Variants in CHPF2 observed in about 807,000 individuals in gnomAD.
CHPF2 encodes chondroitin polymerizing factor 2.
Under a neutral mutation model 63.0 loss-of-function variants are expected in CHPF2, and 58 were observed. The ratio of observed to expected loss-of-function variants is 0.92; its 90% CI spans 0.75 to 1.15. CHPF2 has a LOEUF of 1.15. Ranked by LOEUF, CHPF2 falls within the 50% of genes most tolerant of loss-of-function variation. The pLI, the probability that CHPF2 is intolerant of heterozygous loss-of-function variation, is 0.00. For synonymous variants in CHPF2, 442 were observed against 438.0 expected, an observed-to-expected ratio of 1.01 and a Z score of -0.11; for missense variants, 1,045 against 1,035.4, an observed-to-expected ratio of 1.01 and a Z score of -0.13.
chr7:151,237,922 T>C lies in CHPF2; in HGVS notation c.1560T>C (p.His520=), dbSNP rs1447352976. 2 of 1,612,912 alleles carry C rather than the reference T, an allele frequency of 1.2e-6. No homozygotes were observed. The highest frequency in any genetic ancestry group is 1.7e-5 in the Admixed American group (1 of 60,028). The change falls in exon 4 of 4, where the codon CAT becomes CAC. Residue 520 remains histidine, a synonymous_variant. Transcript: ENST00000035307. ...FAANVLEPRE[H]ALLTLLLVYG... Reference sequence around the variant, plus strand: ...CCAATGTCCTGGAGCCACGAGAACATGCATTGCTCACCCTGTTGCTGGTCT... The same window carrying C: ...CCAATGTCCTGGAGCCACGAGAACACGCATTGCTCACCCTGTTGCTGGTCT...
rs775122364 is a variant in CHPF2, at chr7:151,235,635, C to G, written c.828+23C>G. 26 of 1,581,740 alleles carry G rather than the reference C, an allele frequency of 1.6e-5. No individual in the cohort carries two copies. In the South Asian group the frequency reaches 2.9e-4, roughly 18 times the overall value. Reference sequence around the variant, plus strand: ...CAGGTGACAGCTCTTTCAAGTCAGTCCCAGTCCCTGATAAGCTAGTGGGGG... The same window carrying G: ...CAGGTGACAGCTCTTTCAAGTCAGTGCCAGTCCCTGATAAGCTAGTGGGGG... On this transcript the variant is annotated intron_variant, in intron 2 of 3. Coordinates refer to ENST00000035307, the MANE Select transcript of CHPF2 (RefSeq NM_019015.3).
rs377265622 is a variant in CHPF2, at chr7:151,237,670, C to T, written c.1308C>T (p.Phe436=). 5.3e-5 allele frequency: 86 copies of T among 1,613,068 alleles called. No individual in the cohort carries two copies. Among genetic ancestry groups the T allele is most frequent in the Non-Finnish European group, 6.5e-5 (77 of 1,179,940 alleles). ...GACTGCTCAACGGCTATCGGCGCTT[C>T]GACCCAGCACGGGGCATGGAGTACA... is the stretch of plus-strand genomic sequence containing the variant. ...KQRLLNGYRR[F]DPARGMEYTL... is the part of the protein sequence containing the mutation. The change falls in exon 4 of 4, where the codon TTC becomes TTT. Residue 436 remains phenylalanine, a synonymous_variant. Coordinates refer to ENST00000035307, the MANE Select transcript of CHPF2 (RefSeq NM_019015.3).
rs144261336 is a variant in CHPF2 at position 151,237,513 on chromosome 7, T to C, written c.1151T>C (p.Phe384Ser). 4.1e-4 allele frequency: 656 copies of C among 1,613,946 alleles called. 3 individuals are homozygous for C. In the African/African-American group the frequency reaches 7.8e-3, roughly 19 times the overall value. Residue 384 changes from phenylalanine (F) to serine (S), a missense_variant, in exon 4 of 4, where the codon TTC (phenylalanine) becomes TCC (serine). By Grantham distance (155) the Phe-to-Ser change is radical. Coordinates refer to ENST00000035307, the MANE Select transcript of CHPF2 (RefSeq NM_019015.3). The part of the protein sequence containing the change: ...GWDYFTEQHT[F>S]SCADGAPKCP... Reference sequence around the variant, plus strand: ...GACTACTTCACAGAGCAGCACACCTTCTCCTGTGCAGATGGGGCTCCCAAG... The same window carrying C: ...GACTACTTCACAGAGCAGCACACCTCCTCCTGTGCAGATGGGGCTCCCAAG...
chr7:151,234,006 A>G lies in CHPF2; in HGVS notation c.-6A>G, dbSNP rs779254993. Reference sequence around the variant, plus strand: ...CTGGGGCACCCACCTGGCAGGGCCTACCACCATGCGACTGAGCTCCCTGTT... The same window carrying G: ...CTGGGGCACCCACCTGGCAGGGCCTGCCACCATGCGACTGAGCTCCCTGTT... On this transcript the variant is annotated 5_prime_UTR_variant, in exon 1 of 4. Transcript: ENST00000035307. The G allele has an allele frequency of 6.6e-7, 1 of 1,511,696 alleles. No homozygotes were observed. The highest frequency in any genetic ancestry group is 8.8e-7 in the Non-Finnish European group (1 of 1,131,332). 93.6% of individuals were successfully genotyped at this position (1,511,696 alleles called of 1,614,324 possible).
chr7:151,234,561 G>A (rs546573354), intron 1 of CHPF2, among the ~76,000 whole-genome samples: 3 of 152,220 alleles, frequency 2.0e-5, no homozygotes, highest in African/African-American at 7.2e-5. Flanking sequence ...GTGCGATATT[G>A]GCTCACTGCA....
Position 151,237,839 on chromosome 7 carries a change from CT to C in CHPF2, c.1478del (p.Leu493ArgfsTer53). The C allele has an allele frequency of 6.2e-7, 1 of 1,612,660 alleles. No individual in the cohort carries two copies. On this transcript the variant is annotated frameshift_variant, in exon 4 of 4. Coordinates refer to ENST00000035307, the MANE Select transcript of CHPF2 (RefSeq NM_019015.3). LOFTEE classifies it high-confidence loss of function. ...VTEATRVQLV[L>X]PLLVAEAAAA... ...TGAGGCCACCCGAGTGCAGCTGGTG[CT>C]GCCACTCCTGGTGGCTGAAGCTGCT...
In CHPF2 at chr7:151,235,423, C is replaced by G. The variant is rs1802609140; in HGVS notation, c.639C>G (p.Phe213Leu). The G allele has an allele frequency of 6.2e-7, 1 of 1,612,718 alleles. No homozygotes were observed. Among genetic ancestry groups the G allele is most frequent in the Non-Finnish European group, 8.5e-7 (1 of 1,180,050 alleles). Residue 213 changes from phenylalanine to leucine, a missense_variant, in exon 2 of 4, where the codon TTC becomes TTG. Transcript: ENST00000035307. ...TGTACTTAGGCCGGGCAGAGGAGTT[C>G]ATTGGCGCAGGCGAGCAGGCCCGGT... ...QDLYLGRAEE[F>L]IGAGEQARYC...
chr7:151,232,882 C>G lies in CHPF2; in HGVS notation c.-1130C>G, dbSNP rs900620412. 2.7e-5 allele frequency: 37 copies of G among 1,394,490 alleles called. 1 individual carries two copies. In the Middle Eastern group the frequency reaches 1.3e-3, roughly 48 times the overall value. The allele number at this position is 1,394,490 out of a possible 1,614,324, so 86.4% of individuals were successfully genotyped here. ...CGCAGAACGACCCGAGCTGGTCTCC[C>G]GAGCCCCCTTCTCAGCAGCCCGGTG... On this transcript the variant is annotated 5_prime_UTR_variant, in exon 1 of 4. Coordinates refer to ENST00000035307, the MANE Select transcript of CHPF2 (RefSeq NM_019015.3).
At position 151,235,148 on chromosome 7, in the gene CHPF2, C is replaced by A; in HGVS notation, c.364C>A (p.Arg122Ser). ...GTCCACTTTGGCCGTGGCTGTGAAC[C>A]GTACGGTGGCCCATCACTTCCCTCG... ...TLSTLAVAVN[R>S]TVAHHFPRLL... The change falls in exon 2 of 4, where the codon CGT becomes AGT. Residue 122 changes from arginine to serine, a missense_variant. By Grantham distance (110) the Arg-to-Ser change is moderately radical (BLOSUM62 -1). Coordinates refer to ENST00000035307, the MANE Select transcript of CHPF2 (RefSeq NM_019015.3). The A allele has an allele frequency of 6.2e-7, 1 of 1,613,050 alleles. No homozygotes were observed.
rs991687046 is a variant in CHPF2 at position 151,233,773 on chromosome 7, G to C, written c.-239G>C. On this transcript the variant is annotated 5_prime_UTR_variant, in exon 1 of 4. Transcript: ENST00000035307. Reference sequence around the variant, plus strand: ...TGATTGTTTCATTTATTACCGTTTTGGCTGGGGGTTAGTTCCGACACCTTC... The same window carrying C: ...TGATTGTTTCATTTATTACCGTTTTCGCTGGGGGTTAGTTCCGACACCTTC... 8.2e-6 allele frequency: 10 copies of C among 1,226,508 alleles called. No individual in the cohort carries two copies. The highest frequency in any genetic ancestry group is 1.6e-5 in the African/African-American group (1 of 64,288). 76.0% of individuals were successfully genotyped at this position (1,226,508 alleles called of 1,614,324 possible).
chr7:151,236,465 A>G lies in CHPF2; in HGVS notation c.886A>G (p.Ser296Gly). ...AAATAGGGACCCTGAGAAGGAAGGG[A>G]GCTCGGCTTTCCTGAGTGCCTTCGC... Reference protein sequence around the residue: ...AKNRDPEKEGSSAFLSAFAVH... With the variant: ...AKNRDPEKEGGSAFLSAFAVH... Residue 296 changes from serine (S) to glycine (G), a missense_variant, in exon 3 of 4, where the codon AGC (serine) becomes GGC (glycine). Coordinates refer to ENST00000035307, the MANE Select transcript of CHPF2 (RefSeq NM_019015.3). 6.2e-7 allele frequency: 1 copy of G among 1,607,364 alleles called. No homozygotes were observed. The highest frequency in any genetic ancestry group is 1.3e-5 in the African/African-American group (1 of 74,930).
Position 151,233,540 on chromosome 7 carries a change from G to A in CHPF2, c.-472G>A, listed in dbSNP as rs2150581200. 3 of 986,394 alleles carry A rather than the reference G, an allele frequency of 3.0e-6. No homozygotes were observed. The highest frequency in any genetic ancestry group is 4.7e-5 in the South Asian group (1 of 21,310). The allele number at this position is 986,394 out of a possible 1,614,324, so 61.1% of individuals were successfully genotyped here. A position where few individuals can be genotyped will look rare whatever the true frequency, so the allele number is the denominator to read the frequency against. Reference sequence around the variant, plus strand: ...GCATTCTTCCGGAAAGGCCCACTGAGGCAGGCTCCGGCTCCTCTGGTTGGG... The same window carrying A: ...GCATTCTTCCGGAAAGGCCCACTGAAGCAGGCTCCGGCTCCTCTGGTTGGG... On this transcript the variant is annotated 5_prime_UTR_variant, in exon 1 of 4. Coordinates refer to ENST00000035307, the MANE Select transcript of CHPF2 (RefSeq NM_019015.3).
chr7:151,238,424 G>T lies in CHPF2; in HGVS notation c.2062G>T (p.Gly688Cys). 1 of 1,595,230 alleles carries T rather than the reference G, an allele frequency of 6.3e-7. No homozygotes were observed. The highest frequency in any genetic ancestry group is 1.1e-5 in the South Asian group (1 of 89,092). The change falls in exon 4 of 4, where the codon GGT becomes TGT. Residue 688 changes from glycine to cysteine, a missense_variant. Transcript: ENST00000035307. ...CCTGGCGGCCCGAGCCCGGCTGGCA[G>T]GTGAACTGGCAGGCCAGGAAGAGGA... is the stretch of plus-strand genomic sequence containing the variant. The part of the protein sequence containing the change: ...DYLAARARLA[G>C]ELAGQEEEEA...
In CHPF2 at chr7:151,235,251, C is replaced by G; in HGVS notation, c.467C>G (p.Pro156Arg). The G allele has an allele frequency of 2.5e-6, 4 of 1,613,084 alleles. No individual in the cohort carries two copies. Among genetic ancestry groups the G allele is most frequent in the Non-Finnish European group, 3.4e-6 (4 of 1,179,378 alleles). The change falls in exon 2 of 4, where the codon CCC (proline) becomes CGC (arginine). Residue 156 changes from proline (P) to arginine (R), a missense_variant. By Grantham distance (103) the Pro-to-Arg change is moderately radical. Coordinates refer to ENST00000035307, the MANE Select transcript of CHPF2 (RefSeq NM_019015.3). Reference sequence around the variant, plus strand: ...GTGGTGTCTCATGGGGATGAGCGGCCCGCCTGGCTCATGTCAGAGACCCTG... The same window carrying G: ...GTGGTGTCTCATGGGGATGAGCGGCGCGCCTGGCTCATGTCAGAGACCCTG... ...MQVVSHGDER[P>R]AWLMSETLRH...
In CHPF2 at chr7:151,234,156, C is replaced by G; in HGVS notation, c.145C>G (p.Arg49Gly). The G allele has an allele frequency of 6.2e-7, 1 of 1,613,446 alleles. No homozygotes were observed. The highest frequency in any genetic ancestry group is 8.5e-7 in the Non-Finnish European group (1 of 1,179,698). Residue 49 changes from arginine to glycine, a missense_variant, in exon 1 of 4, where the codon CGA (arginine) becomes GGA (glycine). By Grantham distance (125) the Arg-to-Gly change is moderately radical. Transcript: ENST00000035307. ...TCCCTGTGTCGAGGCTGTAGGGGAG[C>G]GAGGAGGGCCACAGAATCCAGATTC... ...EDPCVEAVGERGGPQNPDSRA... is the reference protein window; with the variant it reads ...EDPCVEAVGEGGGPQNPDSRA...
rs774233185 is a variant in CHPF2, at chr7:151,236,445, G to C, written c.866G>C (p.Arg289Thr). 141 of 1,599,688 alleles carry C rather than the reference G, an allele frequency of 8.8e-5. No homozygotes were observed. The highest frequency in any genetic ancestry group is 1.2e-4 in the Non-Finnish European group (135 of 1,169,106). Residue 289 changes from arginine to threonine, a missense_variant, in exon 3 of 4, where the codon AGG becomes ACG. Coordinates refer to ENST00000035307, the MANE Select transcript of CHPF2 (RefSeq NM_019015.3). ...CGCTCATTTGAACTGGCCAAAAATA[G>C]GGACCCTGAGAAGGAAGGGAGCTCG... The part of the protein sequence containing the change: ...QYRSFELAKN[R>T]DPEKEGSSAF...
Position 151,238,292 on chromosome 7 carries a change from C to CCTGACCCCCCCTCCCCTCCTGGTG in CHPF2, c.1939_1962dup (p.Pro647_Pro654dup). 6.2e-7 allele frequency: 1 copy of CCTGACCCCCCCTCCCCTCCTGGTG among 1,610,834 alleles called. No homozygotes were observed. Among genetic ancestry groups the CCTGACCCCCCCTCCCCTCCTGGTG allele is most frequent in the South Asian group, 1.1e-5 (1 of 91,012 alleles). On this transcript the variant is annotated inframe_insertion, in exon 4 of 4. Coordinates refer to ENST00000035307, the MANE Select transcript of CHPF2 (RefSeq NM_019015.3). The stretch of plus-strand genomic sequence containing the variant: ...ACCCCCAGGGCCCCCGGGGGCTGGC[C>CCTGACCCCCCCTCCCCTCCTGGTG]CTGACCCCCCCTCCCCTCCTGGTGC...
chr7:151,233,347 C>G lies in CHPF2; in HGVS notation c.-665C>G. ...CTTATGTGTGCCATGCGAGTGGCTC[C>G]AGACCGCTCCTGAGTGGGAGGAGGG... On this transcript the variant is annotated 5_prime_UTR_variant, in exon 1 of 4. Coordinates refer to ENST00000035307, the MANE Select transcript of CHPF2 (RefSeq NM_019015.3). 1.0e-6 allele frequency: 1 copy of G among 986,112 alleles called. No individual in the cohort carries two copies. Among genetic ancestry groups the G allele is most frequent in the Non-Finnish European group, 1.2e-6 (1 of 830,364 alleles). 61.1% of individuals were successfully genotyped at this position (986,112 alleles called of 1,614,324 possible).
rs1802746212 is a variant in CHPF2, at chr7:151,238,176, A to G, written c.1814A>G (p.Asn605Ser). The change falls in exon 4 of 4, where the codon AAC becomes AGC. Residue 605 changes from asparagine (N) to serine (S), a missense_variant. Asn to Ser is a conservative substitution (Grantham distance 46, BLOSUM62 1). Transcript: ENST00000035307. ...VWTRPGPEVL[N>S]RCRMNAISGW... ...ACAAGGCCTGGGCCCGAAGTCCTCA[A>G]CCGCTGTCGCATGAATGCCATCTCT... 6.2e-7 allele frequency: 1 copy of G among 1,612,776 alleles called. No individual in the cohort carries two copies. Among genetic ancestry groups the G allele is most frequent in the African/African-American group, 1.3e-5 (1 of 74,918 alleles).
Sources: gnomAD v4.1 joint callset for allele counts (sites outside exome capture counted in the v4.1 genomes callset) on GRCh38, gnomAD v4.1.1 for gene constraint, MANE v1.5 for transcripts, NCBI Gene and HGNC (gene_info 2026-07-23, HGNC 2026-07-21) for gene names.